COL6A5: variants seen among roughly 807,000 people sequenced by gnomAD.
The protein encoded by COL6A5 is collagen type VI alpha 5 chain, also known as collagen alpha-5(VI) chain.
Under a neutral mutation model 65.6 loss-of-function variants are expected in COL6A5, and 48 were observed. That is an observed-to-expected ratio of 0.73 (90% CI 0.58 to 0.93). The LOEUF is 0.93. Ranked by LOEUF, COL6A5 falls within the 40% of genes least tolerant of loss-of-function variation. COL6A5 has a pLI of 0.00. For missense variants in COL6A5, 914 were observed against 928.3 expected, an observed-to-expected ratio of 0.98 and a Z score of 0.20; for synonymous variants, 291 against 322.8, an observed-to-expected ratio of 0.90 and a Z score of 1.05.
chr3:130,373,331 G>A (rs746886838), intron 1 of COL6A5, among the ~76,000 whole-genome samples: 1 of 152,278 alleles, frequency 6.6e-6, no homozygotes, highest in East Asian at 1.9e-4. Context: ...TGTCACATAA[G>A]TGTAGTAATT....
intron 5 of COL6A5, among the ~76,000 whole-genome samples, chr3:130,467,561 AG>A (rs1240500459): frequency 1.3e-5 from 2 of 152,084 alleles, no homozygotes; most frequent in Non-Finnish European, 2.9e-5. Context: ...AAAATTCTAA[AG>A]AAAATGTTAG....
At chr3:130,369,547 A>G (rs1935473497) in intron 1 of COL6A5, among the ~76,000 whole-genome samples, 1 of 152,170 alleles carries the variant, frequency 6.6e-6, no homozygotes, top group Non-Finnish European at 1.5e-5. Flanking sequence ...CTACTTCACC[A>G]AGTCACTTTA....
exon 5 of COL6A5, chr3:130,385,085 A>C: frequency 1.3e-6 from 2 of 1,551,022 alleles, no homozygotes; most frequent in Non-Finnish European, 8.7e-7. Flanking sequence ...TCTGGATTAC[A>C]TACTGCAAAT....
chr3:130,364,719 G>T (rs1421133550), intron 1 of COL6A5, among the ~76,000 whole-genome samples: 1 of 152,194 alleles, frequency 6.6e-6, no homozygotes, highest in South Asian at 2.1e-4. Context: ...GGTGCAAAGG[G>T]ACTAGGAATT....
intron 1 of COL6A5, among the ~76,000 whole-genome samples, chr3:130,366,135 G>A (rs1213092577): frequency 6.6e-6 from 1 of 152,176 alleles, no homozygotes; most frequent in Non-Finnish European, 1.5e-5. Context: ...TTATTTCCAT[G>A]TGGATATAAT....
chr3:130,387,290 G>A (rs1936225335), intron 5 of COL6A5, among the ~76,000 whole-genome samples: 1 of 152,068 alleles, frequency 6.6e-6, no homozygotes, highest in Admixed American at 6.6e-5. Context: ...CTTTAGATGG[G>A]CAATCATCTG....
At chr3:130,461,395 A>C (rs980827168) in intron 5 of COL6A5, among the ~76,000 whole-genome samples, 1 of 152,142 alleles carries the variant, frequency 6.6e-6, no homozygotes, top group Non-Finnish European at 1.5e-5. Context: ...GAGGGCAACC[A>C]TGGGCCAGCC....
intron 1 of COL6A5, among the ~76,000 whole-genome samples, chr3:130,349,687 A>T (rs1934631095): frequency 6.6e-6 from 1 of 152,212 alleles, no homozygotes; most frequent in Non-Finnish European, 1.5e-5. Context: ...TTTACATGTG[A>T]ATATTGCTAA....
chr3:130,416,960 A>G, intron 24 of COL6A5, 141 bp downstream of exon 24: 1 of 583,570 alleles, frequency 1.7e-6, no homozygotes, highest in South Asian at 2.4e-5. Flanking sequence ...ATACATGTGC[A>G]GAACATGCAG....
chr3:130,401,454 G>C (rs897314355), intron 11 of COL6A5, among the ~76,000 whole-genome samples: 2 of 152,166 alleles, frequency 1.3e-5, no homozygotes, highest in Non-Finnish European at 2.9e-5. Flanking sequence ...AGAAATTCCA[G>C]GAAACAGAAG....
rs1307961366 is a variant in COL6A5 at position 130,431,575 on chromosome 3, G to T, written c.115G>T (p.Asp39Tyr). 7.1e-6 allele frequency: 11 copies of T among 1,551,446 alleles called. No individual in the cohort carries two copies. The South Asian group carries it at 1.1e-4, about 15-fold the overall frequency. ...GGACATCATCACTTCCATTGTCAAT[G>T]ACCTTAACATCAGGGAAAATAACTG... The change falls in exon 1 of 8, where the codon GAC (aspartate) becomes TAC (tyrosine). Residue 39 changes from aspartate to tyrosine, a missense_variant. Asp to Tyr is a radical substitution (Grantham distance 160, BLOSUM62 -3). Transcript: ENST00000512836.
At chr3:130,405,439 G>T (rs971265763) in intron 13 of COL6A5, 149 bp from the exon 14 acceptor site, 3 of 581,224 alleles carry the variant, frequency 5.2e-6, no homozygotes, top group Non-Finnish European at 9.4e-6. Flanking sequence ...AATGAGTGAG[G>T]ATTCACTTTT....
exon 2 of COL6A5, chr3:130,439,581 A>G: frequency 6.4e-7 from 1 of 1,551,344 alleles, no homozygotes; most frequent in South Asian, 1.2e-5. Flanking sequence ...AAAATCAAAC[A>G]TTAGAAAGAC....
chr3:130,484,208 C>T, exon 8 of COL6A5: 1 of 672,904 alleles, frequency 1.5e-6, no homozygotes. Context: ...TTCTCCATCT[C>T]AAATCTTGAG....
rs150566852 is a variant in COL6A5, at chr3:130,452,780, A to G, written c.1333-2675A>G. Among the ~76,000 whole-genome samples the G allele has an allele frequency of 6.3e-3, 962 of 152,258 alleles. 14 individuals are homozygous for G. Among genetic ancestry groups the G allele is most frequent in the African/African-American group, 0.019 (810 of 41,558 alleles). On this transcript the variant is annotated intron_variant, in intron 4 of 7. Coordinates refer to ENST00000512836, the Ensembl canonical transcript of COL6A5. ...TCCTTGTCCTAATAAGCCTGGGAGCACTATGGGAGACTGGGGCTTATTTCA... is the reference window on the plus strand; with the variant it reads ...TCCTTGTCCTAATAAGCCTGGGAGCGCTATGGGAGACTGGGGCTTATTTCA...
exon 12 of COL6A5, chr3:130,401,803 A>G (rs1465000671): frequency 2.6e-6 from 4 of 1,551,476 alleles, no homozygotes; most frequent in African/African-American, 2.7e-5. Flanking sequence ...CATTCTGCAA[A>G]TGTCCAGGAA....
At chr3:130,381,999 C>G (rs745968241) in intron 4 of COL6A5, among the ~76,000 whole-genome samples, 1 of 151,766 alleles carries the variant, frequency 6.6e-6, no homozygotes, top group Non-Finnish European at 1.5e-5. Context: ...TTAAGTTGGG[C>G]TCCTCAGAAG....
intron 1 of COL6A5, among the ~76,000 whole-genome samples, chr3:130,346,984 A>T (rs548164820): frequency 6.6e-6 from 1 of 152,228 alleles, no homozygotes; most frequent in Non-Finnish European, 1.5e-5. Context: ...AGTAGAGAAG[A>T]TAATTCCCAA....
At chr3:130,397,945 T>C in intron 9 of COL6A5, 22 bp downstream of exon 9, 1 of 1,546,166 alleles carries the variant, frequency 6.5e-7, no homozygotes. Flanking sequence ...ACATTCTATC[T>C]CCCATCTCCA....
Sources: allele counts gnomAD v4.1 joint callset (sites outside exome capture counted in the v4.1 genomes callset), GRCh38; gene constraint gnomAD v4.1.1; transcripts MANE v1.5; gene names NCBI Gene and HGNC (gene_info 2026-07-23, HGNC 2026-07-21).